MORF4L1: variants seen among roughly 807,000 people sequenced by gnomAD.
MORF4L1 encodes the protein mortality factor 4 like 1, also known as mortality factor 4-like protein 1.
In MORF4L1, 4 loss-of-function variants were observed where a neutral mutation model predicts 52.9. The ratio of observed to expected loss-of-function variants is 0.08; its 90% CI spans 0.04 to 0.17. The LOEUF (loss-of-function observed/expected upper bound fraction) is 0.17. MORF4L1 is among the 10% of genes least tolerant of loss of function. The pLI is 1.00. For missense variants in MORF4L1, 214 were observed against 390.4 expected (o/e 0.55, Z 3.81); for synonymous variants, 123 against 134.8 (o/e 0.91, Z 0.61).
chr15:78,887,104 T>C (rs892252855), intron 4 of MORF4L1, among the ~76,000 whole-genome samples, 165 bp from the exon 5 acceptor site: 1 of 152,244 alleles, frequency 6.6e-6, no homozygotes, highest in African/African-American at 2.4e-5. Context: ...AGCCTTTTGC[T>C]GTTTCTTGAG....
intron 3 of MORF4L1, chr15:78,885,064 C>T: frequency 6.2e-7 from 1 of 1,613,052 alleles, no homozygotes; most frequent in Non-Finnish European, 8.5e-7. Flanking sequence ...CTCAGTACAC[C>T]ACCCCCTCCT....
intron 1 of MORF4L1, among the ~76,000 whole-genome samples, chr15:78,877,361 C>G (rs561690816): frequency 7.0e-4 from 107 of 152,274 alleles, no homozygotes; most frequent in Admixed American, 1.5e-3. Context: ...CTCAGGTGAT[C>G]CAGCCACCTC....
At chr15:78,891,803 C>T (rs1049634649) in intron 7 of MORF4L1, 3 of 487,414 alleles carry the variant, frequency 6.2e-6, no homozygotes, top group Admixed American at 7.4e-5. Flanking sequence ...TCATGTTCAC[C>T]TACAAGACTA....
At position 78,887,250 on chromosome 15, in the gene MORF4L1, A is replaced by T; in HGVS notation, c.243-19A>T. On this transcript the variant is annotated intron_variant, in intron 4 of 11. Transcript: ENST00000426013. ...TAAATGCTCATTTTATGTTGACATTACTGAAATTATTTTTGAAGGGAGCAG... is the reference window on the plus strand; with the variant it reads ...TAAATGCTCATTTTATGTTGACATTTCTGAAATTATTTTTGAAGGGAGCAG... The T allele has an allele frequency of 3.1e-6, 5 of 1,589,586 alleles. No individual in the cohort carries two copies. The highest frequency in any genetic ancestry group is 4.3e-6 in the Non-Finnish European group (5 of 1,170,802).
chr15:78,896,892 T>C (rs1231214476), intron 11 of MORF4L1, 91 bp from the exon 12 acceptor site: 6 of 948,932 alleles, frequency 6.3e-6, no homozygotes, highest in Non-Finnish European at 8.2e-6. Context: ...AGGAAAGTGT[T>C]TTCTGTGGCT....
At chr15:78,883,884 G>A (rs1176526682) in intron 3 of MORF4L1, among the ~76,000 whole-genome samples, 1 of 152,072 alleles carries the variant, frequency 6.6e-6, no homozygotes, top group Non-Finnish European at 1.5e-5. Context: ...TGTGACTCTG[G>A]GAATTAGTCA....
At chr15:78,891,761 A>G in intron 7 of MORF4L1, 189 bp downstream of exon 7, 3 of 539,872 alleles carry the variant, frequency 5.6e-6, no homozygotes, top group South Asian at 5.6e-5. Flanking sequence ...CTCCAGATTT[A>G]CCTACCCAAT....
rs1045016707 is a variant in MORF4L1, at chr15:78,897,948, CTG to C, written c.*883_*884del. The C allele has an allele frequency of 5.9e-5, 9 of 152,278 alleles. No homozygotes were observed. Among genetic ancestry groups the C allele is most frequent in the East Asian group, 3.9e-4 (2 of 5,186 alleles). The allele number at this position is 152,278 out of a possible 1,614,324, so 9.4% of individuals were successfully genotyped here. A position where few individuals can be genotyped will look rare whatever the true frequency, so the allele number is the denominator to read the frequency against. Reference sequence around the variant, plus strand: ...GCTAAAAAGTTAGAAGTTTACATGACTGTTTTTTTTATTTTCCCTAAATTATT... The same window carrying C: ...GCTAAAAAGTTAGAAGTTTACATGACTTTTTTTTATTTTCCCTAAATTATT... On this transcript the variant is annotated 3_prime_UTR_variant, in exon 12 of 12. Transcript: ENST00000426013.
At chr15:78,896,805 G>A (rs2056898235) in intron 11 of MORF4L1, among the ~76,000 whole-genome samples, 178 bp from the exon 12 acceptor site, 1 of 152,110 alleles carries the variant, frequency 6.6e-6, no homozygotes, top group African/African-American at 2.4e-5. Context: ...GTTGTTCATT[G>A]TATAACCTTA....
At chr15:78,879,235 G>GC (rs1158792588) in intron 2 of MORF4L1, among the ~76,000 whole-genome samples, 4 of 148,890 alleles carry the variant, frequency 2.7e-5, no homozygotes, top group Admixed American at 1.3e-4. Context: ...GCCCCGCCCC[G>GC]CCCCCCAAGA....
At chr15:78,886,325 A>G (rs1446940375) in intron 4 of MORF4L1, 98 bp downstream of exon 4, 31 of 1,038,938 alleles carry the variant, frequency 3.0e-5, no homozygotes, top group Non-Finnish European at 4.3e-5. Flanking sequence ...TGCCCTGCCT[A>G]TAAAATGATT....
intron 11 of MORF4L1, 61 bp downstream of exon 11, chr15:78,894,965 T>A: frequency 7.7e-7 from 1 of 1,306,076 alleles, no homozygotes; most frequent in Non-Finnish European, 1.1e-6. Context: ...TGGGAGGGAT[T>A]GGCAGTATAG....
rs1215981882 is a variant in MORF4L1, at chr15:78,891,586, G to T, written c.438+14G>T. 1 of 1,593,516 alleles carries T rather than the reference G, an allele frequency of 6.3e-7. No homozygotes were observed. Among genetic ancestry groups the T allele is most frequent in the Non-Finnish European group, 8.6e-7 (1 of 1,162,106 alleles). On this transcript the variant is annotated intron_variant, in intron 7 of 11. Coordinates refer to ENST00000426013, the MANE Select transcript of MORF4L1 (RefSeq NM_006791.4). ...ACTGTTGAAAATGTGAGTTTTTCTT[G>T]TGTTTATGAATAGCATGTTAGGATT...
chr15:78,894,980 T>A, intron 11 of MORF4L1, 76 bp downstream of exon 11: 1 of 1,167,914 alleles, frequency 8.6e-7, no homozygotes, highest in Non-Finnish European at 1.3e-6. Context: ...GTATAGATGC[T>A]AAAACATTAA....
intron 1 of MORF4L1, among the ~76,000 whole-genome samples, chr15:78,874,353 TAGGGGTATTTTGTTA>T (rs1458060130): frequency 1.3e-5 from 2 of 152,190 alleles, no homozygotes; most frequent in Admixed American, 1.3e-4. Flanking sequence ...AAGGAGGTTT[TAGGGGTATTTTGTTA>T]ATGAGTGACT....
intron 1 of MORF4L1, among the ~76,000 whole-genome samples, chr15:78,876,299 A>G (rs2056489589): frequency 6.6e-6 from 1 of 152,006 alleles, no homozygotes; most frequent in South Asian, 2.1e-4. Context: ...GTAAACTTAT[A>G]AAAAAGTTTT....
chr15:78,882,488 A>G (rs987685278), intron 3 of MORF4L1, among the ~76,000 whole-genome samples: 2 of 152,210 alleles, frequency 1.3e-5, no homozygotes, highest in Admixed American at 1.3e-4. Flanking sequence ...GGATTCTAAT[A>G]TCTAGGAAAC....
intron 2 of MORF4L1, among the ~76,000 whole-genome samples, chr15:78,878,719 C>T (rs1032612828): frequency 2.0e-5 from 3 of 152,150 alleles, no homozygotes; most frequent in African/African-American, 7.2e-5. Flanking sequence ...GGGAGGCCCC[C>T]TTTGTATCAG....
At chr15:78,891,753 C>G in intron 7 of MORF4L1, 181 bp downstream of exon 7, 1 of 543,972 alleles carries the variant, frequency 1.8e-6, no homozygotes, top group South Asian at 2.8e-5. Flanking sequence ...ACCTGTAGCT[C>G]CAGATTTACC....
Sources: gnomAD v4.1 joint callset for allele counts (sites outside exome capture counted in the v4.1 genomes callset) on GRCh38, gnomAD v4.1.1 for gene constraint, MANE v1.5 for transcripts, NCBI Gene and HGNC (gene_info 2026-07-23, HGNC 2026-07-21) for gene names.